Variants in MAP4 observed in about 807,000 individuals in gnomAD.
MAP4 encodes the protein microtubule-associated protein 4.
MAP4 carries 76 observed loss-of-function variants against 170.2 expected under a neutral mutation model. The ratio of observed to expected loss-of-function variants is 0.45; its 90% confidence interval spans 0.37 to 0.54. MAP4 has a LOEUF of 0.54. Among genes scored for constraint, MAP4 ranks in the 20% least tolerant of loss-of-function variants. MAP4 has a pLI of 0.00. For synonymous variants in MAP4, 909 were observed against 994.5 expected (o/e 0.91, Z 1.62); for missense variants, 2,506 against 2,748.0 (o/e 0.91, Z 1.97).
In MAP4 at chr3:47,909,101, T is replaced by G; in HGVS notation, c.5320A>C (p.Thr1774Pro). Reference sequence around the variant, plus strand: ...ATTGTAGACTTTGGCAAAAGTGGAGTAAGTCCTCGGGACTTGGTGGGTCTC... The same window carrying G: ...ATTGTAGACTTTGGCAAAAGTGGAGGAAGTCCTCGGGACTTGGTGGGTCTC... Reference protein sequence around the residue: ...YMRPTKSRGLTPLLPKSTIQE... With the variant: ...YMRPTKSRGLPPLLPKSTIQE... The change falls in exon 9 of 21, where the codon ACT becomes CCT. Residue 1774 changes from threonine (T) to proline (P), a missense_variant. This residue lies in a region of MAP4 where 2,008 missense variants were observed against 2,206.0 expected (regional missense o/e 0.91). Transcript: ENST00000683076. 3 of 1,614,008 alleles carry G rather than the reference T, an allele frequency of 1.9e-6. No individual in the cohort carries two copies. Among genetic ancestry groups the G allele is most frequent in the South Asian group, 1.1e-5 (1 of 91,078 alleles).
At chr3:48,006,114 G>A (rs2100102167) in intron 1 of MAP4, among the ~76,000 whole-genome samples, 1 of 152,114 alleles carries the variant, frequency 6.6e-6, no homozygotes, top group Non-Finnish European at 1.5e-5. Context: ...TAGGTCGAAT[G>A]GACAAAAGAC....
chr3:47,905,212 A>G (rs867949977), intron 9 of MAP4, among the ~76,000 whole-genome samples: 1 of 152,224 alleles, frequency 6.6e-6, no homozygotes, highest in Non-Finnish European at 1.5e-5. Context: ...TCTCCCTACG[A>G]TAAGCTAGAA....
At chr3:47,942,977 G>A (rs1365334389) in intron 3 of MAP4, among the ~76,000 whole-genome samples, 8 of 152,148 alleles carry the variant, frequency 5.3e-5, no homozygotes, top group African/African-American at 1.2e-4. Flanking sequence ...AGCCAGGCAC[G>A]GTAGTGCACA....
chr3:47,974,623 T>A (rs979558253), intron 3 of MAP4: 1 of 956,302 alleles, frequency 1.0e-6, no homozygotes, highest in African/African-American at 1.8e-5. Flanking sequence ...TATGTTATAT[T>A]TCTATAAATA....
Position 47,852,859 on chromosome 3 carries a change from G to T in MAP4, c.*75C>A, listed in dbSNP as rs754730874. 1 of 1,566,022 alleles carries T rather than the reference G, an allele frequency of 6.4e-7. No individual in the cohort carries two copies. The highest frequency in any genetic ancestry group is 2.4e-5 in the East Asian group (1 of 41,626). On this transcript the variant is annotated 3_prime_UTR_variant, in exon 21 of 21. Coordinates refer to ENST00000683076, the MANE Select transcript of MAP4 (RefSeq NM_001385682.1). Reference sequence around the variant, plus strand: ...CGAGTTGGGGCCGCCAGGGAAGTGTGGGGGGCGGGAGACAATGTCGGCCCC... The same window carrying T: ...CGAGTTGGGGCCGCCAGGGAAGTGTTGGGGGCGGGAGACAATGTCGGCCCC...
At chr3:48,043,859 A>C (rs11919665) in intron 1 of MAP4, among the ~76,000 whole-genome samples, 1 of 150,918 alleles carries the variant, frequency 6.6e-6, no homozygotes, top group Non-Finnish European at 1.5e-5. Context: ...TTTTTTTTTT[A>C]AAATTGAGAC....
At chr3:48,022,105 T>C (rs2100110849) in intron 1 of MAP4, among the ~76,000 whole-genome samples, 1 of 152,202 alleles carries the variant, frequency 6.6e-6, no homozygotes, top group Non-Finnish European at 1.5e-5. Context: ...GGGAATTAAC[T>C]GTCTTTTCAA....
intron 3 of MAP4, among the ~76,000 whole-genome samples, chr3:47,976,863 T>C (rs1442289746): frequency 1.3e-5 from 2 of 152,230 alleles, no homozygotes; most frequent in Non-Finnish European, 1.5e-5. Flanking sequence ...AACTTTCCTA[T>C]GGTCATAGAA....
chr3:47,949,218 C>A (rs372450424), intron 3 of MAP4, among the ~76,000 whole-genome samples: 1 of 152,072 alleles, frequency 6.6e-6, no homozygotes, highest in Non-Finnish European at 1.5e-5. Flanking sequence ...GTAATCCCAG[C>A]ACTTTGGGAG....
chr3:47,858,108 G>C (rs2059639872), intron 17 of MAP4, among the ~76,000 whole-genome samples: 2 of 151,348 alleles, frequency 1.3e-5, no homozygotes, highest in Non-Finnish European at 2.9e-5. Flanking sequence ...CCATCTCCCG[G>C]GTTCAAGTGA....
At chr3:48,004,728 G>T (rs1009758859) in intron 1 of MAP4, among the ~76,000 whole-genome samples, 4 of 152,194 alleles carry the variant, frequency 2.6e-5, no homozygotes, top group Non-Finnish European at 4.4e-5. Context: ...TTGGAATGGG[G>T]ATGTGTGGGA....
chr3:48,004,340 T>C (rs973274309), intron 1 of MAP4, among the ~76,000 whole-genome samples: 12 of 152,220 alleles, frequency 7.9e-5, no homozygotes, highest in Non-Finnish European at 1.0e-4. Context: ...CATTTGACAC[T>C]CCTGATTCAC....
At chr3:47,901,261 T>C (rs2100029842) in intron 10 of MAP4, among the ~76,000 whole-genome samples, 1 of 152,238 alleles carries the variant, frequency 6.6e-6, no homozygotes, top group Admixed American at 6.5e-5. Flanking sequence ...AACTGTCTGT[T>C]TTCCACCCTG....
rs946248582 is a variant in MAP4, at chr3:47,944,294, A to G, written c.293-15944T>C. On this transcript the variant is annotated intron_variant, in intron 3 of 20. Coordinates refer to ENST00000683076, the MANE Select transcript of MAP4 (RefSeq NM_001385682.1). ...CACTGCACTCCAGCCTGGGCGAGAG[A>G]GCAAAACTCTGTCTCAAAAACAAAA... Among the ~76,000 whole-genome samples the G allele has an allele frequency of 4.6e-5, 7 of 152,092 alleles. No individual in the cohort carries two copies. The East Asian group carries it at 1.2e-3, about 25-fold the overall frequency.
In MAP4 at chr3:47,869,295, A is replaced by T; in HGVS notation, c.6327T>A (p.Ala2109=). The change falls in exon 16 of 21, where the codon GCT becomes GCA. Residue 2109 remains alanine (A), a synonymous_variant. Transcript: ENST00000683076. ...AKVEKKTEAA[A]TTRKPESNAV... ...CATTAGATTCAGGCTTTCGGGTTGT[A>T]GCAGCTGCCTCTGTTTTTTTCTCTA... The T allele has an allele frequency of 1.2e-6, 2 of 1,614,050 alleles. No homozygotes were observed. Among genetic ancestry groups the T allele is most frequent in the South Asian group, 1.1e-5 (1 of 91,082 alleles).
At chr3:47,999,316 T>C (rs747698109) in intron 1 of MAP4, among the ~76,000 whole-genome samples, 1 of 151,984 alleles carries the variant, frequency 6.6e-6, no homozygotes, top group Non-Finnish European at 1.5e-5. Flanking sequence ...TATCTTGGAG[T>C]GAGTACCTGC....
At chr3:47,991,861 G>A (rs1373570471) in intron 2 of MAP4, among the ~76,000 whole-genome samples, 4 of 151,926 alleles carry the variant, frequency 2.6e-5, no homozygotes, top group African/African-American at 9.7e-5. Context: ...AGTAGAGACA[G>A]GGTTTCACCA....
intron 1 of MAP4, among the ~76,000 whole-genome samples, chr3:48,035,583 G>A (rs1002007574): frequency 9.2e-5 from 14 of 151,950 alleles, no homozygotes; most frequent in African/African-American, 3.4e-4. Flanking sequence ...GCAGTGAGTC[G>A]TGATGGCACC....
chr3:47,892,310 G>A, intron 10 of MAP4: 5 of 1,536,200 alleles, frequency 3.3e-6, no homozygotes, highest in Non-Finnish European at 4.4e-6. Context: ...CCCATCTTTT[G>A]GTTGCCCGTC....
Sources: gnomAD v4.1 joint callset for allele counts (sites outside exome capture counted in the v4.1 genomes callset) on GRCh38, gnomAD v4.1.1 for gene constraint, gnomAD v4.1.1 regional missense constraint, MANE v1.5 for transcripts, NCBI Gene and HGNC (gene_info 2026-07-23, HGNC 2026-07-21) for gene names.